CEP72: variants seen among roughly 807,000 people sequenced by gnomAD.
The protein encoded by CEP72 is centrosomal protein of 72 kDa.
A neutral mutation model predicts 65.7 loss-of-function variants in CEP72; 78 were observed. The observed-to-expected ratio is 1.19, with a 90% confidence interval of 0.99 to 1.43. The LOEUF is 1.43. CEP72 is among the 40% of genes most tolerant of loss of function. The pLI is 0.00. For synonymous variants in CEP72, 358 were observed against 351.7 expected (o/e 1.02, Z -0.20); for missense variants, 914 against 832.9 (o/e 1.10, Z -1.20).
chr5:613,702 G>A (rs1170047994), intron 1 of CEP72, among the ~76,000 whole-genome samples: 1 of 152,226 alleles, frequency 6.6e-6, no homozygotes, highest in Non-Finnish European at 1.5e-5. Context: ...GGACTGTGAG[G>A]AGCTGGAAGA....
chr5:625,610 G>A lies in CEP72; in HGVS notation c.512+1031G>A, dbSNP rs569933051. ...TCTCCGAAATGGCTCTGCATCCCTG[G>A]GATCGCCTCTTCCCTCAGATACCTG... is the stretch of plus-strand genomic sequence containing the variant. On this transcript the variant is annotated intron_variant, in intron 4 of 11. Transcript: ENST00000264935. Among the ~76,000 whole-genome samples, 5 of 152,278 alleles carry A rather than the reference G, an allele frequency of 3.3e-5. No individual in the cohort carries two copies. The South Asian group carries it at 1.0e-3, about 32-fold the overall frequency.
downstream of CEP72, among the ~76,000 whole-genome samples, chr5:656,215 C>T (rs1020341043): frequency 6.6e-6 from 1 of 152,192 alleles, no homozygotes; most frequent in African/African-American, 2.4e-5. Context: ...ATCTCCTTGT[C>T]TGTCTCTGCC....
At chr5:641,551 A>G in intron 9 of CEP72, 1 of 985,448 alleles carries the variant, frequency 1.0e-6, no homozygotes, top group Non-Finnish European at 1.2e-6. Flanking sequence ...CAACACAGGC[A>G]GCCTCTGTTT....
intron 6 of CEP72, among the ~76,000 whole-genome samples, chr5:636,006 G>A (rs1342099068): frequency 6.6e-6 from 1 of 152,226 alleles, no homozygotes; most frequent in Non-Finnish European, 1.5e-5. Flanking sequence ...CTGCCTCCCT[G>A]AGGGCTGGCC....
At chr5:620,598 C>T (rs1282504702) in intron 3 of CEP72, among the ~76,000 whole-genome samples, 1 of 152,200 alleles carries the variant, frequency 6.6e-6, no homozygotes, top group Non-Finnish European at 1.5e-5. Flanking sequence ...GTCCTGTTTC[C>T]TCGCATAGCC....
chr5:653,170 G>A lies in CEP72; in HGVS notation c.*17G>A, dbSNP rs1444938890. The A allele has an allele frequency of 1.3e-6, 2 of 1,584,712 alleles. No individual in the cohort carries two copies. Among genetic ancestry groups the A allele is most frequent in the African/African-American group, 1.3e-5 (1 of 74,154 alleles). ...GCCTGCTGACTCCTGCCGAGAAGCT[G>A]GGCCACCCCTTAAGCTTCCTGGTAA... On this transcript the variant is annotated 3_prime_UTR_variant, in exon 12 of 12. Coordinates refer to ENST00000264935, the MANE Select transcript of CEP72 (RefSeq NM_018140.4).
rs997551903 is a variant in CEP72 at position 648,909 on chromosome 5, G to T, written c.1778+993G>T. Among the ~76,000 whole-genome samples the T allele has an allele frequency of 4.1e-3, 300 of 72,884 alleles. 1 individual carries two copies. The highest frequency in any genetic ancestry group is 6.2e-3 in the Non-Finnish European group (229 of 36,896). 47.8% of individuals were successfully genotyped at this position (72,884 alleles called of 152,430 possible). On this transcript the variant is annotated intron_variant, in intron 11 of 11. Coordinates refer to ENST00000264935, the MANE Select transcript of CEP72 (RefSeq NM_018140.4). ...TGACTGTGAGGCGTGGACTGTGAGG[G>T]GTGACTGTGAGGTGTGACTGTGAGG...
intron 3 of CEP72, among the ~76,000 whole-genome samples, chr5:621,095 T>G (rs1736360298): frequency 6.6e-6 from 1 of 152,120 alleles, no homozygotes; most frequent in Non-Finnish European, 1.5e-5. Context: ...TGTTGACATG[T>G]CGTGGTGGGG....
chr5:669,851 G>C (rs573715713), downstream of CEP72, among the ~76,000 whole-genome samples: 52 of 152,232 alleles, frequency 3.4e-4, no homozygotes, highest in Non-Finnish European at 6.8e-4. Flanking sequence ...AGCGGTGCCT[G>C]CCTCTTCCCC....
intron 2 of CEP72, among the ~76,000 whole-genome samples, chr5:619,640 A>T (rs1736248765): frequency 6.6e-6 from 1 of 152,162 alleles, no homozygotes; most frequent in Admixed American, 6.5e-5. Flanking sequence ...CCAGCTCGGG[A>T]GTCTGCTCCA....
intron 7 of CEP72, 44 bp downstream of exon 7, chr5:637,862 C>T (rs1234618644): frequency 6.8e-7 from 1 of 1,460,870 alleles, no homozygotes; most frequent in African/African-American, 1.4e-5. Flanking sequence ...GCACTGCCTC[C>T]CTAATGTGGG....
rs200670610 is a variant in CEP72 at position 637,605 on chromosome 5, G to A, written c.993G>A (p.Lys331=). Residue 331 remains lysine, a synonymous_variant, in exon 7 of 12, where the codon AAG becomes AAA. Transcript: ENST00000264935. ...CTGGTCCCCTGCCAGCCCCCGGAAA[G>A]TGCAGGAAGCGAAGAATGCCTGTTG... ...MVPGPLPAPG[K]CRKRRMPVGR... 1.9e-6 allele frequency: 3 copies of A among 1,614,094 alleles called. 1 individual carries two copies. Among genetic ancestry groups the A allele is most frequent in the Non-Finnish European group, 8.5e-7 (1 of 1,180,044 alleles).
At chr5:612,483 C>CGGGG (rs750685506) in intron 1 of CEP72, 40 bp downstream of exon 1, 4 of 474,570 alleles carry the variant, frequency 8.4e-6, no homozygotes, top group Admixed American at 9.4e-5. Context: ...CGTGAGGTGG[C>CGGGG]GGGGGGGTGG....
At chr5:649,951 T>TG (rs1207647704) in intron 11 of CEP72, among the ~76,000 whole-genome samples, 21 of 29,236 alleles carry the variant, frequency 7.2e-4, no homozygotes, top group African/African-American at 3.1e-3. Context: ...CTGTGAGGCG[T>TG]GACTGTGAGG....
At chr5:646,720 C>T (rs955024508) in intron 10 of CEP72, among the ~76,000 whole-genome samples, 13 of 152,216 alleles carry the variant, frequency 8.5e-5, no homozygotes, top group Non-Finnish European at 1.2e-4. Flanking sequence ...GGGGCAGGGC[C>T]GTGGTTCCCT....
At position 633,752 on chromosome 5, in the gene CEP72, T is replaced by G. The variant is rs756308624; in HGVS notation, c.513-17T>G. 3 of 1,612,296 alleles carry G rather than the reference T, an allele frequency of 1.9e-6. No homozygotes were observed. Among genetic ancestry groups the G allele is most frequent in the Non-Finnish European group, 2.5e-6 (3 of 1,178,930 alleles). On this transcript the variant is annotated splice_polypyrimidine_tract_variant and intron_variant, in intron 4 of 11. Transcript: ENST00000264935. ...GGCTGGCTTGAGTGATGCTGATGAG[T>G]TTGCTTTTCCTTACAGACCACACCA...
chr5:671,291 C>T (rs2126883584), downstream of CEP72, among the ~76,000 whole-genome samples: 1 of 152,268 alleles, frequency 6.6e-6, no homozygotes, highest in African/African-American at 2.4e-5. Flanking sequence ...CTGTGGACAT[C>T]ACTAGGAAGA....
Position 624,662 on chromosome 5 carries a change from G to T in CEP72, c.512+83G>T. ...GGATTAACCGAACGTCATTCACTGTGTGCCGGTCACTCTCCAGGGGCGGAC... is the reference window on the plus strand; with the variant it reads ...GGATTAACCGAACGTCATTCACTGTTTGCCGGTCACTCTCCAGGGGCGGAC... On this transcript the variant is annotated intron_variant, in intron 4 of 11. Transcript: ENST00000264935. The surrounding 1 kb of genome is among the most constrained non-coding windows in gnomAD (Gnocchi z 4.7). The T allele has an allele frequency of 9.8e-7, 1 of 1,015,580 alleles. No homozygotes were observed. Among genetic ancestry groups the T allele is most frequent in the Non-Finnish European group, 1.5e-6 (1 of 645,528 alleles). 62.9% of individuals were successfully genotyped at this position (1,015,580 alleles called of 1,614,324 possible).
intron 11 of CEP72, among the ~76,000 whole-genome samples, chr5:652,217 G>T (rs1006820002): frequency 1.3e-5 from 2 of 152,190 alleles, no homozygotes; most frequent in African/African-American, 4.8e-5. Context: ...GACAAGGCAG[G>T]GTGCACAGCT....
Sources: allele counts gnomAD v4.1 joint callset (sites outside exome capture counted in the v4.1 genomes callset), GRCh38; gene constraint gnomAD v4.1.1; non-coding constraint Gnocchi (gnomAD v3.1); transcripts MANE v1.5; gene names NCBI Gene and HGNC (gene_info 2026-07-23, HGNC 2026-07-21).